Variants in ADAMTSL3 observed in about 807,000 individuals in gnomAD.
ADAMTSL3 encodes ADAMTS-like protein 3.
ADAMTSL3 carries 128 observed loss-of-function variants against 201.7 expected under a neutral mutation model. The observed-to-expected ratio is 0.63, with a 90% CI of 0.55 to 0.73. The LOEUF (loss-of-function observed/expected upper bound fraction) is 0.73, where lower values mean the gene tolerates loss of function less well. Ranked by LOEUF, ADAMTSL3 falls within the 30% of genes least tolerant of loss-of-function variation. The probability of loss-of-function intolerance (pLI) is 0.00; values close to 1 mark genes in which losing one functional copy is unlikely to be tolerated. For synonymous variants in ADAMTSL3, 738 were observed against 748.4 expected (o/e 0.99, Z 0.23); for missense variants, 1,990 against 2,119.6 (o/e 0.94, Z 1.20).
At chr15:84,000,377 C>A (rs1375837574) in intron 23 of ADAMTSL3, among the ~76,000 whole-genome samples, 1 of 152,088 alleles carries the variant, frequency 6.6e-6, no homozygotes, top group Non-Finnish European at 1.5e-5. Flanking sequence ...TCCCCTTCCC[C>A]TTTTTTCCTT....
At chr15:83,912,318 C>T (rs746219949) in intron 15 of ADAMTSL3, among the ~76,000 whole-genome samples, 17 of 152,108 alleles carry the variant, frequency 1.1e-4, no homozygotes, top group South Asian at 8.3e-4. Flanking sequence ...TAGTTATGCA[C>T]GGTAAAATTT....
At chr15:83,764,651 C>T (rs535425897) in intron 3 of ADAMTSL3, among the ~76,000 whole-genome samples, 1 of 152,242 alleles carries the variant, frequency 6.6e-6, no homozygotes, top group East Asian at 1.9e-4. Context: ...ATCTAGCGTG[C>T]AGGGCCAAGG....
At chr15:83,823,972 T>TCTTCATCTTCTTCTCCTCCTC (rs1567170062) in intron 6 of ADAMTSL3, among the ~76,000 whole-genome samples, 1 of 71,106 alleles carries the variant, frequency 1.4e-5, no homozygotes, top group African/African-American at 4.2e-5. Flanking sequence ...TTCTTCTTCT[T>TCTTCATCTTCTTCTCCTCCTC]CTCCTCCTCC....
At chr15:83,677,426 G>A (rs2061421911) in intron 2 of ADAMTSL3, among the ~76,000 whole-genome samples, 1 of 151,502 alleles carries the variant, frequency 6.6e-6, no homozygotes, top group Non-Finnish European at 1.5e-5. Context: ...AGTTTTATCA[G>A]TTTTTGCTTC....
chr15:83,711,911 A>G (rs1408666386), intron 3 of ADAMTSL3, among the ~76,000 whole-genome samples: 1 of 146,364 alleles, frequency 6.8e-6, no homozygotes, highest in Non-Finnish European at 1.5e-5. Context: ...CTTACACCCT[A>G]TGGGTTAAGG....
At chr15:83,814,536 T>A (rs1164076501) in intron 5 of ADAMTSL3, among the ~76,000 whole-genome samples, 3 of 152,234 alleles carry the variant, frequency 2.0e-5, no homozygotes, top group African/African-American at 7.2e-5. Flanking sequence ...TTATCCTGTT[T>A]ACATCACACC....
intron 7 of ADAMTSL3, among the ~76,000 whole-genome samples, chr15:83,842,682 A>G (rs1250094421): frequency 6.6e-6 from 1 of 152,260 alleles, no homozygotes; most frequent in East Asian, 1.9e-4. Flanking sequence ...GAAAACGTTG[A>G]AAGTGTGAAA....
At chr15:83,756,680 A>G (rs1290159613) in intron 3 of ADAMTSL3, among the ~76,000 whole-genome samples, 1 of 149,722 alleles carries the variant, frequency 6.7e-6, no homozygotes, top group African/African-American at 2.4e-5. Flanking sequence ...AACTCATTTC[A>G]GCATTAACTC....
chr15:83,999,605 C>T (rs1422245527), intron 23 of ADAMTSL3, among the ~76,000 whole-genome samples: 1 of 152,126 alleles, frequency 6.6e-6, no homozygotes, highest in African/African-American at 2.4e-5. Context: ...CTGATTAATT[C>T]CACACGGTGC....
At chr15:83,696,300 G>GA (rs1303685878) in intron 2 of ADAMTSL3, among the ~76,000 whole-genome samples, 3 of 152,182 alleles carry the variant, frequency 2.0e-5, no homozygotes, top group Non-Finnish European at 4.4e-5. Flanking sequence ...GTGCGGCCTT[G>GA]ACCTCCTGGA....
At chr15:83,757,485 G>A (rs995940728) in intron 3 of ADAMTSL3, among the ~76,000 whole-genome samples, 4 of 152,062 alleles carry the variant, frequency 2.6e-5, no homozygotes, top group Non-Finnish European at 4.4e-5. Context: ...GCTGCACACA[G>A]CAGGGGGGCC....
Position 83,830,450 on chromosome 15 carries a change from C to A in ADAMTSL3, c.601-7639C>A, listed in dbSNP as rs186843442. Among the ~76,000 whole-genome samples the A allele has an allele frequency of 1.2e-4, 19 of 152,164 alleles. No homozygotes were observed. The East Asian group carries it at 3.5e-3, about 28-fold the overall frequency. ...GACCATGAAAAACGGAAGATAAGGG[C>A]GGGTGAGCATTTAAGAAGGCCGGTT... On this transcript the variant is annotated intron_variant, in intron 6 of 29. Transcript: ENST00000286744.
chr15:84,020,127 A>G (rs1315884459), intron 25 of ADAMTSL3, among the ~76,000 whole-genome samples: 1 of 152,128 alleles, frequency 6.6e-6, no homozygotes, highest in Non-Finnish European at 1.5e-5. Flanking sequence ...CACACCTGAG[A>G]TATAATCAAT....
At chr15:83,891,811 C>G (rs1371187839) in intron 12 of ADAMTSL3, among the ~76,000 whole-genome samples, 2 of 152,182 alleles carry the variant, frequency 1.3e-5, no homozygotes, top group Non-Finnish European at 2.9e-5. Context: ...TTAATTTTCA[C>G]AATGGTCTTA....
intron 2 of ADAMTSL3, among the ~76,000 whole-genome samples, chr15:83,703,728 A>G (rs1228320883): frequency 6.6e-6 from 1 of 152,214 alleles, no homozygotes; most frequent in East Asian, 1.9e-4. Flanking sequence ...TGTAGTTATC[A>G]GCAGCATGAA....
chr15:83,822,931 G>A (rs1402089766), intron 6 of ADAMTSL3, among the ~76,000 whole-genome samples: 4 of 152,098 alleles, frequency 2.6e-5, no homozygotes, highest in Admixed American at 6.5e-5. Flanking sequence ...AGCAGACTCC[G>A]TCTGCAATCC....
At chr15:83,918,029 A>G (rs2066070930) in intron 16 of ADAMTSL3, among the ~76,000 whole-genome samples, 1 of 152,176 alleles carries the variant, frequency 6.6e-6, no homozygotes. Context: ...ATTGTTGAAC[A>G]CCTTAATACT....
At chr15:84,003,007 C>T (rs1395953550) in intron 23 of ADAMTSL3, among the ~76,000 whole-genome samples, 2 of 138,050 alleles carry the variant, frequency 1.4e-5, no homozygotes, top group South Asian at 2.3e-4. Context: ...CACTGCAGTG[C>T]CATGCAGTGG....
chr15:83,701,910 G>T (rs1414791199), intron 2 of ADAMTSL3, among the ~76,000 whole-genome samples: 1 of 152,180 alleles, frequency 6.6e-6, no homozygotes, highest in Non-Finnish European at 1.5e-5. Context: ...ACAAGCAGAG[G>T]TTGGAACAGT....
Sources: allele counts gnomAD v4.1 joint callset (sites outside exome capture counted in the v4.1 genomes callset), GRCh38; gene constraint gnomAD v4.1.1; transcripts MANE v1.5; gene names NCBI Gene and HGNC (gene_info 2026-07-23, HGNC 2026-07-21).